GNAL: variants seen among roughly 807,000 people sequenced by gnomAD.
GNAL encodes the protein guanine nucleotide-binding protein G(olf) subunit alpha.
In GNAL, 18 loss-of-function variants were observed where a neutral mutation model predicts 55.1. That is an observed-to-expected ratio of 0.33 (90% CI 0.23 to 0.48). GNAL has a LOEUF of 0.48. Ranked by LOEUF, GNAL falls within the 20% of genes least tolerant of loss-of-function variation. The probability of loss-of-function intolerance (pLI) is 0.99; values close to 1 mark genes in which losing one functional copy is unlikely to be tolerated. For synonymous variants in GNAL, 253 were observed against 237.0 expected, an observed-to-expected ratio of 1.07 and a Z score of -0.62; for missense variants, 412 against 614.1, an observed-to-expected ratio of 0.67 and a Z score of 3.48.
At chr18:11,807,469 A>G (rs1039727939) in intron 4 of GNAL, among the ~76,000 whole-genome samples, 1 of 152,200 alleles carries the variant, frequency 6.6e-6, no homozygotes, top group Non-Finnish European at 1.5e-5. Context: ...AGCCAAGAGT[A>G]TTTCCTTAAA....
At chr18:11,820,135 G>T (rs1237933826) in intron 4 of GNAL, among the ~76,000 whole-genome samples, 1 of 152,164 alleles carries the variant, frequency 6.6e-6, no homozygotes, top group Non-Finnish European at 1.5e-5. Flanking sequence ...ACAGCTCTCT[G>T]TCTCTGCGAT....
intron 4 of GNAL, 104 bp from the exon 5 acceptor site, chr18:11,824,814 A>G: frequency 1.6e-6 from 1 of 626,162 alleles, no homozygotes; most frequent in South Asian, 2.0e-5. Context: ...GAAAATCTGA[A>G]TGCTACTTGC....
intron 4 of GNAL, among the ~76,000 whole-genome samples, chr18:11,788,674 CCAGCCTGGTGGT>C (rs1718736470): frequency 6.6e-6 from 1 of 151,492 alleles, no homozygotes; most frequent in South Asian, 2.1e-4. Context: ...GAGTTCGAGA[CCAGCCTGGTGGT>C]CAGGCTGGTC....
intron 5 of GNAL, among the ~76,000 whole-genome samples, chr18:11,836,540 T>C (rs1420407373): frequency 6.6e-6 from 1 of 152,226 alleles, no homozygotes; most frequent in African/African-American, 2.4e-5. Flanking sequence ...TCATATTTAT[T>C]GAAACTTGCC....
Position 11,879,418 on chromosome 18 carries a change from C to T in GNAL, c.1231-1571C>T, listed in dbSNP as rs143345089. On this transcript the variant is annotated intron_variant, in intron 11 of 11. Coordinates refer to ENST00000334049, the MANE Select transcript of GNAL (RefSeq NM_182978.4). Reference sequence around the variant, plus strand: ...TGCCCGGGCTGCCATAACAAAGTGCCGCAGAGGCTGAGTGTCTTAAACAGC... The same window carrying T: ...TGCCCGGGCTGCCATAACAAAGTGCTGCAGAGGCTGAGTGTCTTAAACAGC... 4.6e-3 allele frequency among the ~76,000 whole-genome samples: 705 copies of T among 152,172 alleles called. 5 individuals carry two copies. Among genetic ancestry groups the T allele is most frequent in the Middle Eastern group, 0.017 (5 of 294 alleles).
intron 6 of GNAL, 63 bp from the exon 7 acceptor site, chr18:11,864,470 C>T (rs2036216414): frequency 1.2e-5 from 10 of 845,952 alleles, no homozygotes; most frequent in East Asian, 2.4e-5. Flanking sequence ...TAGTTATACC[C>T]GGGCTTTACC....
intron 1 of GNAL, among the ~76,000 whole-genome samples, chr18:11,727,257 C>T (rs1028839833): frequency 1.3e-5 from 2 of 152,214 alleles, no homozygotes; most frequent in Non-Finnish European, 2.9e-5. Flanking sequence ...TGGGCGGAGC[C>T]GCAGGGTGTC....
intron 4 of GNAL, among the ~76,000 whole-genome samples, chr18:11,761,776 T>G (rs963137692): frequency 6.6e-6 from 1 of 152,204 alleles, no homozygotes; most frequent in Non-Finnish European, 1.5e-5. Context: ...AAAGGTGAAA[T>G]GCACCCTGAC....
rs191368956 is a variant in GNAL, at chr18:11,768,970, T to A, written c.624+15025T>A. ...TTACTATATGTTATATATAATATAT[T>A]ATATATATTATATATTCTATATTAT... is the stretch of plus-strand genomic sequence containing the variant. On this transcript the variant is annotated intron_variant, in intron 4 of 11. Coordinates refer to ENST00000334049, the MANE Select transcript of GNAL (RefSeq NM_182978.4). Among the ~76,000 whole-genome samples the A allele has an allele frequency of 3.6e-3, 247 of 68,532 alleles. 7 individuals are homozygous for A. Among genetic ancestry groups the A allele is most frequent in the African/African-American group, 0.022 (210 of 9,416 alleles). 45.0% of individuals were successfully genotyped at this position (68,532 alleles called of 152,430 possible).
Position 11,868,145 on chromosome 18 carries a change from C to T in GNAL, c.911-398C>T, listed in dbSNP as rs905827156. Among the ~76,000 whole-genome samples, 20 of 150,518 alleles carry T rather than the reference C, an allele frequency of 1.3e-4. No individual in the cohort carries two copies. The highest frequency in any genetic ancestry group is 3.9e-4 in the African/African-American group (16 of 40,838). On this transcript the variant is annotated intron_variant, in intron 8 of 11. Coordinates refer to ENST00000334049, the MANE Select transcript of GNAL (RefSeq NM_182978.4). This position sits in a 1 kb window ranked among gnomAD's most constrained non-coding sequence, Gnocchi z 4.0. Reference sequence around the variant, plus strand: ...TGTCTCGGAAGAAAATACAAAAATACAAAAATTAGCCAGGTGTGGTGACAC... The same window carrying T: ...TGTCTCGGAAGAAAATACAAAAATATAAAAATTAGCCAGGTGTGGTGACAC...
intron 1 of GNAL, among the ~76,000 whole-genome samples, chr18:11,721,889 AAAAT>A (rs145268603): frequency 0.065 from 9,482 of 145,836 alleles, 333 homozygotes; most frequent in African/African-American, 0.069. Context: ...TCTGTCTCAA[AAAAT>A]AAATAAATAA....
At chr18:11,724,216 A>G (rs1364097490) in intron 1 of GNAL, among the ~76,000 whole-genome samples, 6 of 152,192 alleles carry the variant, frequency 3.9e-5, no homozygotes, top group Non-Finnish European at 7.3e-5. Context: ...AGAAAGCATG[A>G]TGCTGGCATC....
At chr18:11,870,922 A>G (rs1805533526) in intron 9 of GNAL, among the ~76,000 whole-genome samples, 2 of 152,222 alleles carry the variant, frequency 1.3e-5, no homozygotes, top group Non-Finnish European at 2.9e-5. Context: ...AATACCAGGT[A>G]TACAGAAGGA....
At chr18:11,705,429 A>G (rs944662025) in intron 1 of GNAL, among the ~76,000 whole-genome samples, 3 of 152,208 alleles carry the variant, frequency 2.0e-5, no homozygotes, top group African/African-American at 4.8e-5. Context: ...GAGTGCAGCT[A>G]TCTCCTGGAG....
intron 5 of GNAL, among the ~76,000 whole-genome samples, chr18:11,827,102 A>C (rs903104879): frequency 2.6e-5 from 4 of 151,990 alleles, no homozygotes; most frequent in African/African-American, 9.7e-5. Context: ...ATTGTACTTA[A>C]CCTCCTTCTT....
intron 5 of GNAL, among the ~76,000 whole-genome samples, chr18:11,860,936 GA>G (rs2036118153): frequency 6.6e-6 from 1 of 152,206 alleles, no homozygotes. Flanking sequence ...TCAACATGCT[GA>G]AGGGCTCATT....
rs2036707622 is a variant in GNAL, at chr18:11,882,091, G to T, written c.*956G>T. ...AAAATACTCCCTGATTTAAAAAATT[G>T]TAAGTTATACACGTTAATCATCCAC... On this transcript the variant is annotated 3_prime_UTR_variant, in exon 12 of 12. Transcript: ENST00000334049. 6.6e-6 allele frequency: 1 copy of T among 152,154 alleles called. No individual in the cohort carries two copies. Among genetic ancestry groups the T allele is most frequent in the Non-Finnish European group, 1.5e-5 (1 of 68,024 alleles). 9.4% of individuals were successfully genotyped at this position (152,154 alleles called of 1,614,324 possible).
intron 1 of GNAL, among the ~76,000 whole-genome samples, chr18:11,709,759 A>G (rs1046297264): frequency 6.6e-6 from 1 of 152,032 alleles, no homozygotes; most frequent in Non-Finnish European, 1.5e-5. Context: ...AGATAATTTT[A>G]CTTCTTCCTT....
Position 11,881,058 on chromosome 18 carries a change from G to C in GNAL, c.1300G>C (p.Glu434Gln). The change falls in exon 12 of 12, where the codon GAG becomes CAG. Residue 434 changes from glutamate to glutamine, a missense_variant. Transcript: ENST00000334049. The surrounding 1 kb of genome is among the most constrained non-coding windows in gnomAD (Gnocchi z 4.8). ...YPHFTCAVDT[E>Q]NIRRVFNDCR... Reference sequence around the variant, plus strand: ...GCACTTCACCTGCGCCGTGGACACAGAGAACATCCGCAGGGTGTTCAACGA... The same window carrying C: ...GCACTTCACCTGCGCCGTGGACACACAGAACATCCGCAGGGTGTTCAACGA... 6.2e-7 allele frequency: 1 copy of C among 1,613,952 alleles called. No individual in the cohort carries two copies. The highest frequency in any genetic ancestry group is 8.5e-7 in the Non-Finnish European group (1 of 1,179,888).
Sources: gnomAD v4.1 joint callset for allele counts (sites outside exome capture counted in the v4.1 genomes callset) on GRCh38, gnomAD v4.1.1 for gene constraint, Gnocchi (gnomAD v3.1) non-coding constraint, MANE v1.5 for transcripts, NCBI Gene and HGNC (gene_info 2026-07-23, HGNC 2026-07-21) for gene names.